TRPM3: variants seen among roughly 807,000 people sequenced by gnomAD.
The protein encoded by TRPM3 is transient receptor potential cation channel subfamily M member 3, also known as long transient receptor potential channel 3.
A neutral mutation model predicts 181.2 loss-of-function variants in TRPM3; 77 were observed. The ratio of observed to expected loss-of-function variants is 0.42; its 90% confidence interval spans 0.35 to 0.51. The LOEUF is 0.51. Ranked by LOEUF, TRPM3 falls within the 20% of genes least tolerant of loss-of-function variation. The probability of loss-of-function intolerance (pLI) is 0.01; values close to 1 mark genes in which losing one functional copy is unlikely to be tolerated. For missense variants in TRPM3, 1,759 were observed against 2,196.7 expected, an observed-to-expected ratio of 0.80 and a Z score of 3.98; for synonymous variants, 745 against 796.4, an observed-to-expected ratio of 0.94 and a Z score of 1.09.
intron 1 of TRPM3, among the ~76,000 whole-genome samples, chr9:71,110,302 A>T (rs1296171344): frequency 1.3e-5 from 2 of 152,238 alleles, no homozygotes; most frequent in Non-Finnish European, 2.9e-5. Flanking sequence ...TCTTGTGTAC[A>T]GCTGTTAAGC....
chr9:70,791,169 T>C (rs1403676572), intron 6 of TRPM3, among the ~76,000 whole-genome samples: 2 of 152,184 alleles, frequency 1.3e-5, no homozygotes, highest in Non-Finnish European at 2.9e-5. Flanking sequence ...ATTTCTTTTA[T>C]TGAAAATCCA....
intron 1 of TRPM3, among the ~76,000 whole-genome samples, chr9:71,397,789 G>A (rs956939420): frequency 2.6e-5 from 1 of 39,090 alleles, no homozygotes; most frequent in Non-Finnish European, 5.0e-5. Flanking sequence ...AAGATGAAGA[G>A]TCTACATTAT....
At chr9:70,598,805 C>G in intron 20 of TRPM3, 135 bp from the exon 21 acceptor site, 1 of 1,070,288 alleles carries the variant, frequency 9.3e-7, no homozygotes, top group Non-Finnish European at 1.3e-6. Flanking sequence ...TACTTGCATG[C>G]TGTAAAAGTC....
At chr9:70,614,606 G>C (rs2185339) in intron 18 of TRPM3, among the ~76,000 whole-genome samples, 73,437 of 152,042 alleles carry the variant, frequency 0.48, 19,889 homozygotes, top group Non-Finnish European at 0.6. Flanking sequence ...TGTTAAAACA[G>C]TATTAGTTCA....
chr9:71,055,162 T>A (rs1338137732), intron 1 of TRPM3, among the ~76,000 whole-genome samples: 1 of 152,034 alleles, frequency 6.6e-6, no homozygotes, highest in Non-Finnish European at 1.5e-5. Context: ...ATTTGTGATT[T>A]CAAGAGGTGG....
chr9:70,997,162 T>TACCCC (rs1224695617), intron 1 of TRPM3, among the ~76,000 whole-genome samples: 1 of 152,224 alleles, frequency 6.6e-6, no homozygotes, highest in Non-Finnish European at 1.5e-5. Context: ...TCTCTCCTCC[T>TACCCC]ACCCCCTTGT....
chr9:70,560,664 G>A (rs56131482), intron 22 of TRPM3, among the ~76,000 whole-genome samples: 35,548 of 152,128 alleles, frequency 0.23, 4,844 homozygotes, highest in Admixed American at 0.31. Flanking sequence ...AGGAGCCAAC[G>A]TGGGATTGAG....
intron 1 of TRPM3, among the ~76,000 whole-genome samples, chr9:70,964,183 A>T (rs980587737): frequency 6.6e-6 from 1 of 152,110 alleles, no homozygotes; most frequent in Non-Finnish European, 1.5e-5. Flanking sequence ...TATGATTAAG[A>T]TATATTTTCT....
intron 1 of TRPM3, among the ~76,000 whole-genome samples, chr9:70,961,641 T>C (rs1379135945): frequency 6.6e-6 from 1 of 152,220 alleles, no homozygotes; most frequent in African/African-American, 2.4e-5. Context: ...TTTCTACTAT[T>C]ACTTTAAGCT....
chr9:71,072,069 A>T (rs1001243067), intron 1 of TRPM3, among the ~76,000 whole-genome samples: 10 of 152,202 alleles, frequency 6.6e-5, no homozygotes, highest in African/African-American at 2.2e-4. Context: ...CCTGTAAGAG[A>T]TATTTTCAGA....
chr9:71,121,547 T>A lies in TRPM3; in HGVS notation c.-193A>T, dbSNP rs1405011725. 1 of 1,384,978 alleles carries A rather than the reference T, an allele frequency of 7.2e-7. No individual in the cohort carries two copies. The highest frequency in any genetic ancestry group is 1.5e-5 in the African/African-American group (1 of 68,710). 85.8% of individuals were successfully genotyped at this position (1,384,978 alleles called of 1,614,324 possible). On this transcript the variant is annotated 5_prime_UTR_variant, in exon 1 of 26. Transcript: ENST00000677713. ...ACTGCCTGCTGCTTCGGGGAGGGGA[T>A]GCACGATTTTGAAGAAGAGGGACAG...
chr9:70,619,569 A>T (rs565193719), intron 16 of TRPM3, among the ~76,000 whole-genome samples: 36 of 150,278 alleles, frequency 2.4e-4, no homozygotes, highest in Non-Finnish European at 4.7e-4. Context: ...GTGCACCATC[A>T]CACCCAGCTA....
At chr9:70,875,507 T>C (rs2095855122) in intron 1 of TRPM3, among the ~76,000 whole-genome samples, 1 of 151,906 alleles carries the variant, frequency 6.6e-6, no homozygotes, top group South Asian at 2.1e-4. Flanking sequence ...ACTCCAATCA[T>C]CCTTAAGAAT....
At chr9:70,553,785 C>T (rs1409721508) in intron 22 of TRPM3, among the ~76,000 whole-genome samples, 1 of 152,196 alleles carries the variant, frequency 6.6e-6, no homozygotes, top group Non-Finnish European at 1.5e-5. Flanking sequence ...AACAGGGCAG[C>T]TGTTAATTGC....
chr9:71,300,573 G>A lies in TRPM3; in HGVS notation c.183+146080C>T, dbSNP rs376456456. On this transcript the variant is annotated intron_variant, in intron 1 of 24. Transcript: ENST00000357533. ...ATGTCATGAATGGTGAATACAGCAA[G>A]CCTTCCTTGTGTATGTTTGTTTTTA... Among the ~76,000 whole-genome samples the A allele has an allele frequency of 8.5e-5, 13 of 152,078 alleles. No individual in the cohort carries two copies. In the East Asian group the frequency reaches 1.7e-3, roughly 20 times the overall value.
intron 1 of TRPM3, among the ~76,000 whole-genome samples, chr9:71,034,174 G>A (rs772706011): frequency 2.0e-5 from 3 of 152,138 alleles, no homozygotes; most frequent in African/African-American, 4.8e-5. Flanking sequence ...CTTCGAAGCC[G>A]CAATCTCTGA....
At chr9:71,158,849 G>A (rs779417825) in intron 1 of TRPM3, among the ~76,000 whole-genome samples, 5 of 152,070 alleles carry the variant, frequency 3.3e-5, no homozygotes, top group Non-Finnish European at 7.4e-5. Flanking sequence ...AGCATGAATA[G>A]AACTAAAAAG....
intron 1 of TRPM3, among the ~76,000 whole-genome samples, chr9:71,382,415 C>T (rs965408977): frequency 6.6e-6 from 1 of 152,056 alleles, no homozygotes; most frequent in African/African-American, 2.4e-5. Flanking sequence ...AGGTTAAAAT[C>T]TAAATCATGC....
At chr9:71,003,578 T>A (rs1165059509) in intron 1 of TRPM3, among the ~76,000 whole-genome samples, 3 of 152,190 alleles carry the variant, frequency 2.0e-5, no homozygotes, top group African/African-American at 7.2e-5. Flanking sequence ...TGGCTGTTTC[T>A]CCACAACCTT....
Sources: allele counts gnomAD v4.1 joint callset (sites outside exome capture counted in the v4.1 genomes callset), GRCh38; gene constraint gnomAD v4.1.1; transcripts MANE v1.5; gene names NCBI Gene and HGNC (gene_info 2026-07-23, HGNC 2026-07-21).